The following ZFHX3 variants were observed in gnomAD, a reference collection of about 807,000 sequenced individuals.
ZFHX3 encodes zinc finger homeobox 3.
In ZFHX3, 42 loss-of-function variants were observed where a neutral mutation model predicts 279.1. The observed-to-expected ratio is 0.15, with a 90% CI of 0.12 to 0.19. ZFHX3 has a LOEUF of 0.19. Among genes scored for constraint, ZFHX3 ranks in the 10% least tolerant of loss-of-function variants. The pLI is 1.00. For missense variants in ZFHX3, 4,981 were observed against 4,754.0 expected (o/e 1.05, Z -1.40); for synonymous variants, 2,293 against 1,957.8 (o/e 1.17, Z -4.52).
chr16:73,405,154 G>A (rs539977518), intron 3 of ZFHX3, among the ~76,000 whole-genome samples: 1 of 152,266 alleles, frequency 6.6e-6, no homozygotes, highest in Admixed American at 6.5e-5. Context: ...GTTGTTCTGA[G>A]CATCAGCGAC....
intron 8 of ZFHX3, 108 bp from the exon 9 acceptor site, chr16:72,798,822 TGA>T (rs1213710746): frequency 1.4e-6 from 2 of 1,442,448 alleles, no homozygotes; most frequent in Non-Finnish European, 1.8e-6. Flanking sequence ...CAGAATCTGA[TGA>T]TGAGGGAAGT....
At chr16:73,105,455 A>T (rs80327554) in intron 7 of ZFHX3, among the ~76,000 whole-genome samples, 3 of 69,536 alleles carry the variant, frequency 4.3e-5, no homozygotes, top group Non-Finnish European at 3.0e-5. Context: ...ATATATATAT[A>T]TATTTTTTCC....
At chr16:73,090,911 G>GAAAAAAAAAAAAAAAA (rs57632636) in intron 8 of ZFHX3, among the ~76,000 whole-genome samples, 1 of 108,318 alleles carries the variant, frequency 9.2e-6, no homozygotes, top group African/African-American at 5.2e-5. Context: ...ATCCCATATT[G>GAAAAAAAAAAAAAAAA]AAAAAAAAAA....
intron 8 of ZFHX3, among the ~76,000 whole-genome samples, chr16:73,082,864 A>G (rs1408828090): frequency 5.3e-5 from 8 of 152,122 alleles, no homozygotes; most frequent in Non-Finnish European, 1.2e-4. Flanking sequence ...CCAAAGAGAC[A>G]CAGGAAACAG....
intron 3 of ZFHX3, among the ~76,000 whole-genome samples, chr16:72,918,639 G>C (rs2039503527): frequency 6.6e-6 from 1 of 151,004 alleles, no homozygotes; most frequent in Admixed American, 6.6e-5. Context: ...GGACTCCTTT[G>C]TATAAAGAAA....
chr16:73,789,820 T>C (rs897991116), intron 1 of ZFHX3, among the ~76,000 whole-genome samples: 1 of 152,188 alleles, frequency 6.6e-6, no homozygotes, highest in African/African-American at 2.4e-5. Context: ...ACTGAGGTTT[T>C]ATTATAAAAT....
intron 2 of ZFHX3, among the ~76,000 whole-genome samples, chr16:73,497,372 T>C (rs74028683): frequency 1.4e-3 from 217 of 152,290 alleles, no homozygotes; most frequent in African/African-American, 5.1e-3. Flanking sequence ...GTGGGTCTCA[T>C]GAAATACTAC....
intron 5 of ZFHX3, among the ~76,000 whole-genome samples, chr16:73,196,803 C>T (rs969077842): frequency 2.0e-5 from 3 of 152,194 alleles, no homozygotes; most frequent in Non-Finnish European, 4.4e-5. Flanking sequence ...CTCTACCTCA[C>T]TATTTCAGCC....
chr16:73,379,858 T>C (rs1183271937), intron 3 of ZFHX3, among the ~76,000 whole-genome samples: 2 of 152,160 alleles, frequency 1.3e-5, no homozygotes, highest in East Asian at 3.9e-4. Flanking sequence ...AGAGTGTCTG[T>C]GCAATGCTTA....
chr16:73,063,227 T>C (rs887862477), upstream of ZFHX3, among the ~76,000 whole-genome samples: 2 of 152,246 alleles, frequency 1.3e-5, no homozygotes, highest in Non-Finnish European at 2.9e-5. Flanking sequence ...GGGAAGGGGC[T>C]GCTCTCATCC....
intron 5 of ZFHX3, among the ~76,000 whole-genome samples, chr16:73,247,045 CTGTG>C (rs1284157806): frequency 6.6e-6 from 1 of 151,966 alleles, no homozygotes; most frequent in Non-Finnish European, 1.5e-5. Context: ...GCATATGTGT[CTGTG>C]TGTCTATATA....
intron 5 of ZFHX3, among the ~76,000 whole-genome samples, chr16:72,821,719 T>C (rs1239462747): frequency 6.6e-6 from 1 of 152,212 alleles, no homozygotes; most frequent in African/African-American, 2.4e-5. Flanking sequence ...AGCTTTCTGT[T>C]TCCTCATCTG....
Position 73,500,890 on chromosome 16 carries a change from T to G in ZFHX3, c.-1546-44632A>C, listed in dbSNP as rs926542097. Among the ~76,000 whole-genome samples, 50 of 152,210 alleles carry G rather than the reference T, an allele frequency of 3.3e-4. 1 individual carries two copies. The highest frequency in any genetic ancestry group is 1.2e-3 in the African/African-American group (49 of 41,450). Reference sequence around the variant, plus strand: ...GAAATTAAATATTTATTAAATACTGTAATAAATCTAACGTAGCCTGAGTGT... The same window carrying G: ...GAAATTAAATATTTATTAAATACTGGAATAAATCTAACGTAGCCTGAGTGT... On this transcript the variant is annotated intron_variant, in intron 2 of 17. Transcript: ENST00000641206.
At chr16:72,991,873 G>A (rs1018663822) in intron 1 of ZFHX3, among the ~76,000 whole-genome samples, 1 of 152,140 alleles carries the variant, frequency 6.6e-6, no homozygotes, top group Non-Finnish European at 1.5e-5. Context: ...GCCAGTCAAT[G>A]TTTATCTGAG....
chr16:73,253,475 G>A (rs1163400646), intron 5 of ZFHX3, among the ~76,000 whole-genome samples: 2 of 137,842 alleles, frequency 1.5e-5, no homozygotes, highest in African/African-American at 5.4e-5. Context: ...TTTTTGAGAT[G>A]GAGTCTCGCT....
intron 5 of ZFHX3, among the ~76,000 whole-genome samples, chr16:73,213,217 A>G (rs1166188068): frequency 6.6e-6 from 1 of 152,192 alleles, no homozygotes; most frequent in Non-Finnish European, 1.5e-5. Flanking sequence ...CCAGCCTTTG[A>G]TTACTCCAGT....
chr16:73,614,333 A>C (rs771155836), intron 2 of ZFHX3, among the ~76,000 whole-genome samples: 1 of 152,236 alleles, frequency 6.6e-6, no homozygotes, highest in Non-Finnish European at 1.5e-5. Context: ...TCAGATTTGG[A>C]ATGCAGTTTT....
chr16:72,977,945 A>G (rs1597045850), intron 1 of ZFHX3, among the ~76,000 whole-genome samples: 1 of 152,072 alleles, frequency 6.6e-6, no homozygotes, highest in South Asian at 2.1e-4. Flanking sequence ...GCTCACTGCA[A>G]CCTCCGCCTC....
intron 1 of ZFHX3, among the ~76,000 whole-genome samples, chr16:73,749,351 C>CACG (rs2053736668): frequency 6.7e-6 from 1 of 148,998 alleles, no homozygotes; most frequent in African/African-American, 2.6e-5. Flanking sequence ...GCACCACCAC[C>CACG]ACCACCACCA....
Sources: allele counts gnomAD v4.1 joint callset (sites outside exome capture counted in the v4.1 genomes callset), GRCh38; gene constraint gnomAD v4.1.1; transcripts MANE v1.5; gene names NCBI Gene and HGNC (gene_info 2026-07-23, HGNC 2026-07-21).